The following CHSY3 variants were observed in gnomAD, a reference collection of about 807,000 sequenced individuals.
The protein encoded by CHSY3 is N-acetylgalactosaminyl-proteoglycan 3-beta-glucuronosyltransferase 3.
In CHSY3, 35 loss-of-function variants were observed where a neutral mutation model predicts 67.2. The ratio of observed to expected loss-of-function variants is 0.52; its 90% confidence interval spans 0.40 to 0.69. The LOEUF (loss-of-function observed/expected upper bound fraction) is 0.69. Ranked by LOEUF, CHSY3 falls within the 30% of genes least tolerant of loss-of-function variation. CHSY3 has a pLI of 0.00. For missense variants in CHSY3, 1,069 were observed against 1,138.5 expected, an observed-to-expected ratio of 0.94 and a Z score of 0.88; for synonymous variants, 474 against 434.7, an observed-to-expected ratio of 1.09 and a Z score of -1.12.
intron 2 of CHSY3, among the ~76,000 whole-genome samples, chr5:129,908,952 T>G (rs1196211815): frequency 6.6e-6 from 1 of 152,154 alleles, no homozygotes; most frequent in Non-Finnish European, 1.5e-5. Flanking sequence ...AGGAATGAGT[T>G]GTCTGGAAAA....
intron 2 of CHSY3, chr5:130,140,348 G>T: frequency 1.7e-6 from 1 of 572,594 alleles, no homozygotes; most frequent in South Asian, 1.9e-5. Context: ...GAATACAAGG[G>T]AGAGACAAAA....
intron 2 of CHSY3, among the ~76,000 whole-genome samples, chr5:130,142,204 A>G (rs145137788): frequency 3.2e-3 from 492 of 152,336 alleles, no homozygotes; most frequent in African/African-American, 0.011. Context: ...TTCTATAATA[A>G]TATGGTTTTC....
intron 2 of CHSY3, among the ~76,000 whole-genome samples, chr5:129,918,435 A>T (rs948587595): frequency 6.6e-6 from 1 of 152,192 alleles, no homozygotes; most frequent in Non-Finnish European, 1.5e-5. Flanking sequence ...TAGATTTTTT[A>T]AAAGCTTAAA....
At chr5:130,160,485 C>T (rs1769498638) in intron 2 of CHSY3, among the ~76,000 whole-genome samples, 1 of 152,164 alleles carries the variant, frequency 6.6e-6, no homozygotes. Flanking sequence ...CATCCCTTTG[C>T]CCATTACTTC....
At chr5:130,042,109 G>T (rs1247677592) in intron 2 of CHSY3, among the ~76,000 whole-genome samples, 1 of 151,978 alleles carries the variant, frequency 6.6e-6, no homozygotes, top group Non-Finnish European at 1.5e-5. Flanking sequence ...GGTGGCACAT[G>T]CCTGTAGTCC....
At chr5:129,925,303 A>G (rs539922420) in intron 2 of CHSY3, among the ~76,000 whole-genome samples, 22 of 152,316 alleles carry the variant, frequency 1.4e-4, no homozygotes, top group Admixed American at 1.3e-3. Flanking sequence ...GAGAAATGAC[A>G]TGAGAGTAAG....
intron 2 of CHSY3, among the ~76,000 whole-genome samples, chr5:130,063,359 G>T (rs1765772839): frequency 6.6e-6 from 1 of 152,024 alleles, no homozygotes; most frequent in Non-Finnish European, 1.5e-5. Context: ...TGTCATAAAG[G>T]TTCACAAAAT....
At chr5:129,974,207 A>G (rs1762726858) in intron 2 of CHSY3, among the ~76,000 whole-genome samples, 2 of 152,104 alleles carry the variant, frequency 1.3e-5, no homozygotes. Context: ...GGCCCTTTAC[A>G]CTGATCTGGT....
intron 2 of CHSY3, among the ~76,000 whole-genome samples, chr5:129,995,183 T>C (rs1168131678): frequency 6.6e-6 from 1 of 152,184 alleles, no homozygotes; most frequent in Non-Finnish European, 1.5e-5. Flanking sequence ...ATTTCTTTGA[T>C]TATTGTTATT....
At chr5:130,001,471 T>G (rs1226495309) in intron 2 of CHSY3, 5 of 940,118 alleles carry the variant, frequency 5.3e-6, no homozygotes, top group Non-Finnish European at 5.1e-6. Flanking sequence ...TTTGCTCCTT[T>G]GTGCCTGTGG....
intron 2 of CHSY3, among the ~76,000 whole-genome samples, chr5:129,972,403 C>T (rs1028666421): frequency 2.0e-5 from 3 of 151,984 alleles, no homozygotes; most frequent in African/African-American, 7.2e-5. Flanking sequence ...GTTATGCAAG[C>T]CCAGTTTAGT....
intron 2 of CHSY3, among the ~76,000 whole-genome samples, chr5:129,917,235 G>GTTTCTAA: frequency 6.6e-6 from 1 of 152,258 alleles, no homozygotes; most frequent in Non-Finnish European, 1.5e-5. Flanking sequence ...CAATGGGTCA[G>GTTTCTAA]CCCTCATATC....
intron 2 of CHSY3, among the ~76,000 whole-genome samples, chr5:130,178,442 G>T (rs6885583): frequency 1.8e-4 from 27 of 150,184 alleles, no homozygotes; most frequent in Middle Eastern, 3.4e-3. Context: ...CTAGTAGAGA[G>T]GGGGTTTCAC....
chr5:129,953,179 T>C (rs1004064146), intron 2 of CHSY3, among the ~76,000 whole-genome samples: 1 of 152,120 alleles, frequency 6.6e-6, no homozygotes, highest in Non-Finnish European at 1.5e-5. Flanking sequence ...CCTTCCTGTG[T>C]CCATGTGTTC....
intron 2 of CHSY3, among the ~76,000 whole-genome samples, chr5:129,974,209 T>C (rs994892748): frequency 1.3e-5 from 2 of 152,140 alleles, no homozygotes; most frequent in African/African-American, 4.8e-5. Flanking sequence ...CCCTTTACAC[T>C]GATCTGGTTA....
intron 2 of CHSY3, among the ~76,000 whole-genome samples, chr5:129,940,144 C>T (rs191291104): frequency 3.0e-4 from 46 of 151,944 alleles, no homozygotes; most frequent in Non-Finnish European, 5.4e-4. Context: ...TTCTCATTGC[C>T]TACATACACC....
intron 2 of CHSY3, among the ~76,000 whole-genome samples, chr5:130,145,232 G>T (rs1769036685): frequency 6.6e-6 from 1 of 152,118 alleles, no homozygotes; most frequent in Admixed American, 6.6e-5. Flanking sequence ...AACAACTGGT[G>T]CTGGCATAAA....
At chr5:130,007,283 C>A (rs1347302366) in intron 2 of CHSY3, among the ~76,000 whole-genome samples, 2 of 152,086 alleles carry the variant, frequency 1.3e-5, no homozygotes, top group Non-Finnish European at 2.9e-5. Flanking sequence ...TCACTGCTGT[C>A]AAGAAATTTC....
chr5:130,097,762 G>C (rs1767097542), intron 2 of CHSY3, among the ~76,000 whole-genome samples: 1 of 152,216 alleles, frequency 6.6e-6, no homozygotes, highest in Admixed American at 6.5e-5. Flanking sequence ...CCAGCACTTT[G>C]GGAGGCCGAG....
Sources: gnomAD v4.1 joint callset for allele counts (sites outside exome capture counted in the v4.1 genomes callset) on GRCh38, gnomAD v4.1.1 for gene constraint, MANE v1.5 for transcripts, NCBI Gene and HGNC (gene_info 2026-07-23, HGNC 2026-07-21) for gene names.